RAB2B: variants seen among roughly 807,000 people sequenced by gnomAD.
The protein encoded by RAB2B is RAB2B, member RAS oncogene family.
In RAB2B, 20 loss-of-function variants were observed where a neutral mutation model predicts 29.8. The observed-to-expected ratio is 0.67, with a 90% confidence interval of 0.47 to 0.97. The LOEUF is 0.97. Among genes scored for constraint, RAB2B ranks in the 50% least tolerant of loss-of-function variants. The probability of loss-of-function intolerance (pLI) is 0.00; values close to 1 mark genes in which losing one functional copy is unlikely to be tolerated. For synonymous variants in RAB2B, 93 were observed against 91.7 expected (o/e 1.01, Z -0.08); for missense variants, 218 against 272.0 (o/e 0.80, Z 1.40).
In RAB2B at chr14:21,461,044, G is replaced by A. The variant is rs1011428106; in HGVS notation, c.*152C>T. 6.9e-6 allele frequency: 4 copies of A among 582,780 alleles called. No individual in the cohort carries two copies. In the East Asian group the frequency reaches 1.2e-4, roughly 17 times the overall value. The allele number at this position is 582,780 out of a possible 1,614,324, so 36.1% of individuals were successfully genotyped here. On this transcript the variant is annotated 3_prime_UTR_variant, in exon 8 of 8. Transcript: ENST00000397762. ...CCCTGAAGGAGGACAGGTCAGTAAG[G>A]GCCCAAATTCTCTCCTGGTCTTTAG...
At chr14:21,462,708 C>T (rs776044386) in intron 6 of RAB2B, among the ~76,000 whole-genome samples, 1 of 151,708 alleles carries the variant, frequency 6.6e-6, no homozygotes, top group Non-Finnish European at 1.5e-5. Flanking sequence ...GGCGTGGTGG[C>T]GCATGCCTGT....
intron 4 of RAB2B, 69 bp downstream of exon 4, chr14:21,468,601 T>C (rs1474280984): frequency 9.0e-7 from 1 of 1,109,938 alleles, no homozygotes; most frequent in Non-Finnish European, 1.2e-6. Context: ...AATCAGTAGA[T>C]AGAAAAAAAA....
chr14:21,475,893 A>G (rs922883475), intron 2 of RAB2B, among the ~76,000 whole-genome samples: 1 of 152,232 alleles, frequency 6.6e-6, no homozygotes, highest in Admixed American at 6.5e-5. Context: ...CTGCATTTGC[A>G]TGGCAAGAAA....
Position 21,476,570 on chromosome 14 carries a change from A to G in RAB2B, c.76T>C (p.Phe26Leu). 1 of 1,613,712 alleles carries G rather than the reference A, an allele frequency of 6.2e-7. No individual in the cohort carries two copies. The change falls in exon 2 of 8, where the codon TTT becomes CTT. Residue 26 changes from phenylalanine to leucine, a missense_variant. Physicochemically the swap from Phe to Leu is conservative, Grantham distance 22. Transcript: ENST00000397762. ...ACAGGCTGGAACCGCTTATCTGTAA[A>G]CTGCAGGAGGAGACATGACTTCCCC... Reference protein sequence around the residue: ...GVGKSCLLLQFTDKRFQPVHD... With the variant: ...GVGKSCLLLQLTDKRFQPVHD...
chr14:21,467,104 T>C (rs1332637806), intron 5 of RAB2B, among the ~76,000 whole-genome samples: 1 of 151,682 alleles, frequency 6.6e-6, no homozygotes, highest in Non-Finnish European at 1.5e-5. Flanking sequence ...AGACGGGGTT[T>C]CACCATATTG....
rs1262244977 is a variant in RAB2B at position 21,460,036 on chromosome 14, C to G, written c.*1160G>C. 3 of 414,740 alleles carry G rather than the reference C, an allele frequency of 7.2e-6. No homozygotes were observed. The highest frequency in any genetic ancestry group is 1.4e-5 in the Non-Finnish European group (3 of 210,554). 25.7% of individuals were successfully genotyped at this position (414,740 alleles called of 1,614,324 possible). A position where few individuals can be genotyped will look rare whatever the true frequency, so the allele number is the denominator to read the frequency against. On this transcript the variant is annotated 3_prime_UTR_variant, in exon 8 of 8. Coordinates refer to ENST00000397762, the MANE Select transcript of RAB2B (RefSeq NM_032846.4). ...TGCTCTTAAAAGTTTTGAAGTTACA[C>G]TAAGAGATAGAAGCTAATAATAGGA...
At chr14:21,467,861 A>G (rs1890720640) in intron 5 of RAB2B, among the ~76,000 whole-genome samples, 1 of 152,236 alleles carries the variant, frequency 6.6e-6, no homozygotes, top group Admixed American at 6.5e-5. Flanking sequence ...CATACAATGA[A>G]TATTACTCAT....
intron 4 of RAB2B, 60 bp from the exon 5 acceptor site, chr14:21,468,509 C>T (rs1162424922): frequency 6.7e-7 from 1 of 1,491,162 alleles, no homozygotes; most frequent in Non-Finnish European, 9.3e-7. Context: ...CAAAACAACT[C>T]CAAGCGTATA....
chr14:21,470,508 AG>A (rs1890782755), intron 3 of RAB2B, among the ~76,000 whole-genome samples: 1 of 152,202 alleles, frequency 6.6e-6, no homozygotes, highest in East Asian at 1.9e-4. Flanking sequence ...TAAGAATCAT[AG>A]AAACATGTGA....
chr14:21,461,643 G>C (rs1890558683), intron 7 of RAB2B, among the ~76,000 whole-genome samples: 1 of 152,086 alleles, frequency 6.6e-6, no homozygotes, highest in Non-Finnish European at 1.5e-5. Context: ...GCTATTCACA[G>C]TATGATCAGT....
chr14:21,462,355 T>C lies in RAB2B; in HGVS notation c.538A>G (p.Asn180Asp). 1 of 1,613,360 alleles carries C rather than the reference T, an allele frequency of 6.2e-7. No homozygotes were observed. The highest frequency in any genetic ancestry group is 8.5e-7 in the Non-Finnish European group (1 of 1,179,696). Residue 180 changes from asparagine to aspartate, a missense_variant, in exon 7 of 8, where the codon AAT (asparagine) becomes GAT (aspartate). By Grantham distance (23) the Asn-to-Asp change is conservative. Transcript: ENST00000397762. ...KIQQGLFDVH[N>D]EANGIKIGPQ... ...GCACTTCTACCCTTTCTTACCTCAT[T>C]GTGGACATCAAATAAACCCTGCTGG...
chr14:21,464,841 A>ATG (rs1890649925), intron 5 of RAB2B, among the ~76,000 whole-genome samples: 1 of 152,056 alleles, frequency 6.6e-6, no homozygotes, highest in African/African-American at 2.4e-5. Flanking sequence ...CTGTCTCTAC[A>ATG]AAAATTTAAA....
At chr14:21,463,616 A>T (rs1454684462) in intron 6 of RAB2B, 40 bp downstream of exon 6, 1 of 1,271,598 alleles carries the variant, frequency 7.9e-7, no homozygotes, top group African/African-American at 1.5e-5. Context: ...ATAATGGTGT[A>T]ATCTCTAAAG....
rs1338995880 is a variant in RAB2B, at chr14:21,476,921, TACCTCCGACCTCTCTAGCCACTC to T, written c.-72_-50del. ...GGTCCGCCCGACTTCTATAGCCACT[TACCTCCGACCTCTCTAGCCACTC>T]AATCTACCGATCTTCTTCTTCTCCC... On this transcript the variant is annotated 5_prime_UTR_variant, in exon 1 of 8. Transcript: ENST00000397762. The T allele has an allele frequency of 4.4e-5, 70 of 1,593,908 alleles. No individual in the cohort carries two copies. The highest frequency in any genetic ancestry group is 2.8e-4 in the Admixed American group (17 of 59,970).
At chr14:21,462,792 C>T (rs1413725828) in intron 6 of RAB2B, among the ~76,000 whole-genome samples, 4 of 145,052 alleles carry the variant, frequency 2.8e-5, no homozygotes, top group African/African-American at 2.6e-5. Context: ...GAGCTGAGAT[C>T]GCACCACTGC....
chr14:21,475,875 T>C (rs1165438042), intron 2 of RAB2B, among the ~76,000 whole-genome samples: 2 of 152,216 alleles, frequency 1.3e-5, no homozygotes, highest in Non-Finnish European at 2.9e-5. Flanking sequence ...TAGGGGTTTA[T>C]TTAGAAACTG....
At chr14:21,464,916 T>C (rs1002278600) in intron 5 of RAB2B, among the ~76,000 whole-genome samples, 1 of 151,784 alleles carries the variant, frequency 6.6e-6, no homozygotes, top group African/African-American at 2.4e-5. Flanking sequence ...GGTGAGAGGA[T>C]CTCTTGAGCC....
chr14:21,462,869 A>T (rs969812912), intron 6 of RAB2B, among the ~76,000 whole-genome samples: 16 of 151,970 alleles, frequency 1.1e-4, no homozygotes, highest in Non-Finnish European at 2.1e-4. Flanking sequence ...AAAAAAGAAA[A>T]AAAACATAGA....
Position 21,474,937 on chromosome 14 carries a change from G to A in RAB2B, c.119-3C>T. 6.2e-7 allele frequency: 1 copy of A among 1,613,282 alleles called. No homozygotes were observed. Among genetic ancestry groups the A allele is most frequent in the Non-Finnish European group, 8.5e-7 (1 of 1,179,286 alleles). On this transcript the variant is annotated splice_polypyrimidine_tract_variant and splice_region_variant and intron_variant, in intron 2 of 7. Coordinates refer to ENST00000397762, the MANE Select transcript of RAB2B (RefSeq NM_032846.4). ...CATACGAGCTCCAAACTCCACACCT[G>A]TCGGTAAAGACCGAGAGAAAGAATG...
Sources: gnomAD v4.1 joint callset for allele counts (sites outside exome capture counted in the v4.1 genomes callset) on GRCh38, gnomAD v4.1.1 for gene constraint, MANE v1.5 for transcripts, NCBI Gene and HGNC (gene_info 2026-07-23, HGNC 2026-07-21) for gene names.